Variants in RBFOX1 observed in about 807,000 individuals in gnomAD.
RBFOX1 encodes RNA binding protein fox-1 homolog 1.
In RBFOX1, 8 loss-of-function variants were observed where a neutral mutation model predicts 57.7. The ratio of observed to expected loss-of-function variants is 0.14; its 90% CI spans 0.08 to 0.25. RBFOX1 has a LOEUF of 0.25. Among genes scored for constraint, RBFOX1 ranks in the 10% least tolerant of loss-of-function variants. The pLI, the probability that RBFOX1 is intolerant of heterozygous loss-of-function variation, is 1.00. For synonymous variants in RBFOX1, 326 were observed against 222.4 expected (o/e 1.47, Z -4.15); for missense variants, 611 against 548.5 (o/e 1.11, Z -1.14).
chr16:7,029,140 GTGTATATA>G (rs2042018504), intron 3 of RBFOX1, among the ~76,000 whole-genome samples: 2 of 72,502 alleles, frequency 2.8e-5, no homozygotes, highest in Admixed American at 3.2e-4. Flanking sequence ...ATATATATAT[GTGTATATA>G]TGTATATATA....
At chr16:5,544,624 T>G (rs940827174) in intron 2 of RBFOX1, among the ~76,000 whole-genome samples, 3 of 152,186 alleles carry the variant, frequency 2.0e-5, no homozygotes, top group Admixed American at 1.3e-4. Context: ...GGAAGATCAA[T>G]AAATTGAGAA....
At chr16:5,301,730 T>C (rs1488702468) in intron 1 of RBFOX1, among the ~76,000 whole-genome samples, 5 of 152,036 alleles carry the variant, frequency 3.3e-5, no homozygotes, top group African/African-American at 4.8e-5. Flanking sequence ...GACAGCTTGA[T>C]TGCAGTCTTA....
chr16:5,848,081 C>A (rs1325261742), intron 3 of RBFOX1, among the ~76,000 whole-genome samples: 1 of 152,104 alleles, frequency 6.6e-6, no homozygotes. Flanking sequence ...GGAGCTCTGG[C>A]CAACCCAGAG....
chr16:6,497,571 AAAAAAAC>A (rs1203813892), intron 2 of RBFOX1, among the ~76,000 whole-genome samples: 3 of 151,780 alleles, frequency 2.0e-5, no homozygotes, highest in Non-Finnish European at 4.4e-5. Flanking sequence ...TAAAAAAAAA[AAAAAAAC>A]AGAGTTTTGC....
chr16:7,685,589 T>A (rs1391135281), intron 14 of RBFOX1, among the ~76,000 whole-genome samples: 2 of 152,084 alleles, frequency 1.3e-5, no homozygotes, highest in Non-Finnish European at 2.9e-5. Flanking sequence ...CATTATAAAC[T>A]GAAAGAGGTG....
intron 14 of RBFOX1, among the ~76,000 whole-genome samples, chr16:7,694,172 C>G (rs2078070330): frequency 6.6e-6 from 1 of 152,314 alleles, no homozygotes; most frequent in Admixed American, 6.5e-5. Flanking sequence ...CCAAAACAAT[C>G]ACTAGGAAGT....
intron 4 of RBFOX1, among the ~76,000 whole-genome samples, chr16:7,494,508 G>T (rs2067954073): frequency 2.0e-5 from 3 of 152,144 alleles, no homozygotes; most frequent in Admixed American, 1.3e-4. Context: ...TGCCATCCAA[G>T]TCACTTCGCT....
chr16:7,231,270 G>C (rs12446443), intron 4 of RBFOX1, among the ~76,000 whole-genome samples: 49,059 of 152,010 alleles, frequency 0.32, 8,577 homozygotes, highest in East Asian at 0.68. Flanking sequence ...GGAGGGCTTG[G>C]CTGGTTTGTC....
At chr16:7,148,473 T>C (rs2152254411) in intron 4 of RBFOX1, among the ~76,000 whole-genome samples, 1 of 152,350 alleles carries the variant, frequency 6.6e-6, no homozygotes, top group Admixed American at 6.5e-5. Context: ...ACATCTCAAC[T>C]TCGGATCTTT....
At chr16:6,579,736 T>C (rs988075100) in intron 2 of RBFOX1, among the ~76,000 whole-genome samples, 3 of 152,158 alleles carry the variant, frequency 2.0e-5, no homozygotes, top group African/African-American at 7.2e-5. Flanking sequence ...GGGAACAGAC[T>C]AATACACTTG....
At chr16:6,246,529 AGAG>A (rs1489056165) in intron 1 of RBFOX1, among the ~76,000 whole-genome samples, 1 of 152,182 alleles carries the variant, frequency 6.6e-6, no homozygotes. Flanking sequence ...GCTAGGAAGA[AGAG>A]TGTTACTATG....
intron 1 of RBFOX1, among the ~76,000 whole-genome samples, chr16:6,034,890 G>A (rs1004363492): frequency 2.0e-5 from 3 of 152,056 alleles, no homozygotes; most frequent in Admixed American, 2.0e-4. Context: ...AGGGTGGATG[G>A]TCAGCTCAGG....
chr16:5,241,096 C>T (rs2062155739), intron 1 of RBFOX1, among the ~76,000 whole-genome samples: 1 of 152,254 alleles, frequency 6.6e-6, no homozygotes. Flanking sequence ...GAGAGGGCGG[C>T]CTTCATTCTG....
chr16:7,336,687 C>G (rs2096794686), intron 4 of RBFOX1, among the ~76,000 whole-genome samples: 1 of 152,206 alleles, frequency 6.6e-6, no homozygotes, highest in Non-Finnish European at 1.5e-5. Context: ...GTGCCAGGCT[C>G]TGTGCTAAAC....
chr16:6,286,837 C>A (rs180700487), intron 1 of RBFOX1, among the ~76,000 whole-genome samples: 25 of 152,270 alleles, frequency 1.6e-4, no homozygotes, highest in Non-Finnish European at 2.8e-4. Context: ...TTATTTATTT[C>A]TATTCCTTCT....
intron 1 of RBFOX1, among the ~76,000 whole-genome samples, chr16:5,410,938 G>A (rs1010645560): frequency 6.6e-6 from 1 of 152,186 alleles, no homozygotes; most frequent in African/African-American, 2.4e-5. Flanking sequence ...ATCTCTAACT[G>A]GGGATCATGA....
At chr16:6,138,908 G>A (rs79752270) in intron 1 of RBFOX1, among the ~76,000 whole-genome samples, 1,560 of 152,118 alleles carry the variant, frequency 0.01, 11 homozygotes, top group Non-Finnish European at 0.016. Flanking sequence ...AATCACCTTC[G>A]CTATATTTTA....
intron 1 of RBFOX1, among the ~76,000 whole-genome samples, chr16:6,208,132 G>C (rs2097267524): frequency 6.6e-6 from 1 of 151,790 alleles, no homozygotes; most frequent in South Asian, 2.1e-4. Flanking sequence ...ATATAATGAA[G>C]TGTAACATTA....
chr16:7,084,841 G>A (rs945150725), intron 4 of RBFOX1, among the ~76,000 whole-genome samples: 1 of 151,996 alleles, frequency 6.6e-6, no homozygotes, highest in Non-Finnish European at 1.5e-5. Flanking sequence ...AATCTTGTCT[G>A]TCTGTCTGTC....
Sources: gnomAD v4.1 joint callset for allele counts (sites outside exome capture counted in the v4.1 genomes callset) on GRCh38, gnomAD v4.1.1 for gene constraint, MANE v1.5 for transcripts, NCBI Gene and HGNC (gene_info 2026-07-23, HGNC 2026-07-21) for gene names.